Variants in ABHD6 observed in about 807,000 individuals in gnomAD.
The protein encoded by ABHD6 is abhydrolase domain containing 6, acylglycerol lipase.
Under a neutral mutation model 38.8 loss-of-function variants are expected in ABHD6, and 33 were observed. That is an observed-to-expected ratio of 0.85 (90% CI 0.64 to 1.14). The LOEUF (loss-of-function observed/expected upper bound fraction) is 1.14. Ranked by LOEUF, ABHD6 falls within the 50% of genes most tolerant of loss-of-function variation. ABHD6 has a pLI of 0.00. For synonymous variants in ABHD6, 147 were observed against 161.6 expected, an observed-to-expected ratio of 0.91 and a Z score of 0.69; for missense variants, 380 against 422.6, an observed-to-expected ratio of 0.90 and a Z score of 0.88.
chr3:58,290,377 T>C (rs2097461327), intron 9 of ABHD6, among the ~76,000 whole-genome samples: 1 of 130,170 alleles, frequency 7.7e-6, no homozygotes, highest in Non-Finnish European at 1.6e-5. Flanking sequence ...ATGGAGCGGC[T>C]GGCCGGGCAG....
intron 1 of ABHD6, among the ~76,000 whole-genome samples, chr3:58,244,689 A>T (rs1463175888): frequency 6.6e-6 from 1 of 152,044 alleles, no homozygotes; most frequent in African/African-American, 2.4e-5. Context: ...ACTTGGGCCC[A>T]GGAGGTCGAG....
rs149067731 is a variant in ABHD6, at chr3:58,246,877, G to A, written c.-90-3001G>A. Among the ~76,000 whole-genome samples the A allele has an allele frequency of 7.7e-4, 117 of 152,276 alleles. 2 individuals are homozygous for A. The highest frequency in any genetic ancestry group is 3.4e-3 in the Middle Eastern group (1 of 294). ...AGGCATAACCTTTGGACAGTCATGT[G>A]GGCAGTAGTCCGCCAGTCATTGAAT... On this transcript the variant is annotated intron_variant, in intron 1 of 9. Transcript: ENST00000478253.
chr3:58,251,877 A>T lies in ABHD6; in HGVS notation c.-26+1935A>T, dbSNP rs780823311. Among the ~76,000 whole-genome samples the T allele has an allele frequency of 2.6e-5, 4 of 152,184 alleles. No homozygotes were observed. In the East Asian group the frequency reaches 5.8e-4, roughly 22 times the overall value. On this transcript the variant is annotated intron_variant, in intron 2 of 9. Coordinates refer to ENST00000478253, the MANE Select transcript of ABHD6 (RefSeq NM_001320126.2). This position sits in a 1 kb window ranked among gnomAD's most constrained non-coding sequence, Gnocchi z 5.4. ...TCAAGCACCAAGTCTTTGCCAGGTG[A>T]TGTTTTAGGTTCTGGGAACTCTATT...
chr3:58,245,638 G>A (rs954236442), intron 1 of ABHD6, among the ~76,000 whole-genome samples: 1 of 152,150 alleles, frequency 6.6e-6, no homozygotes, highest in African/African-American at 2.4e-5. Flanking sequence ...AATTAGCCGG[G>A]TATGATGGTG....
chr3:58,256,076 AAC>A lies in ABHD6; in HGVS notation c.-25-454_-25-453del, dbSNP rs769155755. 0.037 allele frequency among the ~76,000 whole-genome samples: 2,392 copies of A among 65,252 alleles called. 25 individuals carry two copies. Among genetic ancestry groups the A allele is most frequent in the Non-Finnish European group, 0.048 (1,699 of 35,540 alleles). The allele number at this position is 65,252 out of a possible 152,430, so 42.8% of individuals were successfully genotyped here. On this transcript the variant is annotated intron_variant, in intron 2 of 9. Transcript: ENST00000478253. This position sits in a 1 kb window ranked among gnomAD's most constrained non-coding sequence, Gnocchi z 4.3. ...TATTTCTCTCTCTTTTCCTCCCACC[AAC>A]ACACACACACACACACACACACACA...
In ABHD6 at chr3:58,244,991, TAG is replaced by T. The variant is rs1350004837; in HGVS notation, c.-90-4885_-90-4884del. On this transcript the variant is annotated intron_variant, in intron 1 of 9. Coordinates refer to ENST00000478253, the MANE Select transcript of ABHD6 (RefSeq NM_001320126.2). ...AGGTCTCTGGGAAGGAGATTCTGGC[TAG>T]AAAGAAGATGTGGATCAGTGCACAA... Among the ~76,000 whole-genome samples the T allele has an allele frequency of 3.3e-5, 5 of 152,154 alleles. No homozygotes were observed. In the East Asian group the frequency reaches 9.6e-4, roughly 29 times the overall value.
chr3:58,252,797 C>T (rs183810520), intron 2 of ABHD6, among the ~76,000 whole-genome samples: 6 of 152,260 alleles, frequency 3.9e-5, no homozygotes, highest in African/African-American at 1.4e-4. Flanking sequence ...TCCAGCCTCT[C>T]CCTGGGGTAC....
rs369223471 is a variant in ABHD6, at chr3:58,248,410, G to T, written c.-90-1468G>T. ...ACATAGATAAATTCCTAGAAGAAAA[G>T]ATCATAGCCAGGCATGGTGGCTCAC... On this transcript the variant is annotated intron_variant, in intron 1 of 9. Coordinates refer to ENST00000478253, the MANE Select transcript of ABHD6 (RefSeq NM_001320126.2). 2.8e-4 allele frequency among the ~76,000 whole-genome samples: 42 copies of T among 152,168 alleles called. No homozygotes were observed. The South Asian group carries it at 7.7e-3, about 28-fold the overall frequency.
chr3:58,254,536 T>C (rs1156934625), intron 2 of ABHD6, among the ~76,000 whole-genome samples: 2 of 152,206 alleles, frequency 1.3e-5, no homozygotes, highest in African/African-American at 2.4e-5. Context: ...ATTGAACTTA[T>C]TATCAAATTG....
intron 9 of ABHD6, among the ~76,000 whole-genome samples, chr3:58,290,204 G>A (rs1221849421): frequency 4.7e-5 from 5 of 105,602 alleles, no homozygotes; most frequent in African/African-American, 1.6e-4. Flanking sequence ...GGGGCGGCTG[G>A]CTGGGCAGAG....
At chr3:58,277,756 T>A (rs557581725) in intron 7 of ABHD6, among the ~76,000 whole-genome samples, 2 of 152,326 alleles carry the variant, frequency 1.3e-5, no homozygotes, top group African/African-American at 4.8e-5. Flanking sequence ...TTGTCATAAA[T>A]AGCTCTTATT....
intron 6 of ABHD6, 52 bp downstream of exon 6, chr3:58,271,116 C>A: frequency 6.5e-7 from 1 of 1,535,768 alleles, no homozygotes; most frequent in Non-Finnish European, 8.7e-7. Flanking sequence ...CCTGAAGAAA[C>A]AAGTAGCTAG....
rs1276704683 is a variant in ABHD6, at chr3:58,273,312, C to A, written c.524-1346C>A. On this transcript the variant is annotated intron_variant, in intron 6 of 9. Transcript: ENST00000478253. The surrounding 1 kb of genome is among the most constrained non-coding windows in gnomAD (Gnocchi z 4.8). ...AGGTAGCTCACACCTGTAATCCCAACACTTTGGGAGGCTAAGAGAGGAGGA... is the reference window on the plus strand; with the variant it reads ...AGGTAGCTCACACCTGTAATCCCAAAACTTTGGGAGGCTAAGAGAGGAGGA... 6.6e-6 allele frequency among the ~76,000 whole-genome samples: 1 copy of A among 152,188 alleles called. No homozygotes were observed. Among genetic ancestry groups the A allele is most frequent in the East Asian group, 1.9e-4 (1 of 5,180 alleles).
intron 2 of ABHD6, among the ~76,000 whole-genome samples, chr3:58,253,204 C>T (rs1335385112): frequency 2.0e-5 from 3 of 151,440 alleles, no homozygotes; most frequent in African/African-American, 7.3e-5. Context: ...CATTTCGGGG[C>T]TATCATCTCC....
intron 9 of ABHD6, among the ~76,000 whole-genome samples, chr3:58,290,669 G>C (rs953787648): frequency 1.2e-4 from 18 of 150,148 alleles, no homozygotes; most frequent in African/African-American, 4.2e-4. Flanking sequence ...AGATGGGGCG[G>C]CTGGGCAGAG....
chr3:58,281,357 G>A (rs2097453094), intron 7 of ABHD6, among the ~76,000 whole-genome samples: 1 of 152,210 alleles, frequency 6.6e-6, no homozygotes, highest in African/African-American at 2.4e-5. Context: ...TCAGACTGCT[G>A]TGCTAGCAGG....
chr3:58,256,707 T>C lies in ABHD6; in HGVS notation c.119+2T>C. On this transcript the variant is annotated splice_donor_variant, in intron 3 of 9. Transcript: ENST00000478253. LOFTEE classifies it high-confidence loss of function. This position sits in a 1 kb window ranked among gnomAD's most constrained non-coding sequence, Gnocchi z 4.3. ...AGCACTGATAAGAATCTATTATTGG[T>C]AAGCCAGTTTTATCATTGATGTTTT... 6.3e-7 allele frequency: 1 copy of C among 1,599,550 alleles called. No individual in the cohort carries two copies. Among genetic ancestry groups the C allele is most frequent in the Non-Finnish European group, 8.6e-7 (1 of 1,169,552 alleles).
At position 58,285,849 on chromosome 3, in the gene ABHD6, T is replaced by A. The variant is rs1467463289; in HGVS notation, c.837+396T>A. On this transcript the variant is annotated intron_variant, in intron 9 of 9. Transcript: ENST00000478253. The surrounding 1 kb of genome is among the most constrained non-coding windows in gnomAD (Gnocchi z 4.9). ...TCTTGAATATATTTCTTTTCTTTTTTTCGTTTGAGACGGAGTCTTGCTCTG... is the reference window on the plus strand; with the variant it reads ...TCTTGAATATATTTCTTTTCTTTTTATCGTTTGAGACGGAGTCTTGCTCTG... Among the ~76,000 whole-genome samples the A allele has an allele frequency of 6.6e-6, 1 of 152,140 alleles. No individual in the cohort carries two copies. Among genetic ancestry groups the A allele is most frequent in the Non-Finnish European group, 1.5e-5 (1 of 68,024 alleles).
At chr3:58,286,852 G>GCATATATATATATATA (rs1559784446) in intron 9 of ABHD6, among the ~76,000 whole-genome samples, 1 of 70,648 alleles carries the variant, frequency 1.4e-5, no homozygotes, top group African/African-American at 4.7e-5. Flanking sequence ...GTGTGTGTGT[G>GCATATATATATATATA]TATATATATA....
Sources: allele counts gnomAD v4.1 joint callset (sites outside exome capture counted in the v4.1 genomes callset), GRCh38; gene constraint gnomAD v4.1.1; non-coding constraint Gnocchi (gnomAD v3.1); transcripts MANE v1.5; gene names NCBI Gene and HGNC (gene_info 2026-07-23, HGNC 2026-07-21).